PRDM1: variants seen among roughly 807,000 people sequenced by gnomAD.
PRDM1 encodes PR domain zinc finger protein 1.
A neutral mutation model predicts 62.8 loss-of-function variants in PRDM1; 13 were observed. The observed-to-expected ratio is 0.21, with a 90% confidence interval of 0.13 to 0.33. The LOEUF is 0.33. PRDM1 is among the 10% of genes least tolerant of loss of function. The pLI is 1.00. For missense variants in PRDM1, 895 were observed against 1,058.8 expected (o/e 0.85, Z 2.15); for synonymous variants, 396 against 417.6 (o/e 0.95, Z 0.63).
intron 1 of PRDM1, among the ~76,000 whole-genome samples, chr6:106,023,036 C>T (rs2114560721): frequency 6.6e-6 from 1 of 152,302 alleles, no homozygotes; most frequent in East Asian, 1.9e-4. Flanking sequence ...TACTTACAGA[C>T]TGTCAGCTTC....
chr6:106,063,736 A>G (rs1773383971), intron 1 of PRDM1, among the ~76,000 whole-genome samples: 1 of 152,202 alleles, frequency 6.6e-6, no homozygotes, highest in South Asian at 2.1e-4. Flanking sequence ...AGAACAGCTG[A>G]CATGGAGGGT....
At chr6:106,101,496 T>C (rs1239905853) in intron 4 of PRDM1, among the ~76,000 whole-genome samples, 1 of 152,226 alleles carries the variant, frequency 6.6e-6, no homozygotes, top group African/African-American at 2.4e-5. Flanking sequence ...ATGTCCCCTT[T>C]TATTTTGGCA....
At chr6:106,048,359 C>T (rs1442515388), upstream of PRDM1, among the ~76,000 whole-genome samples, 1 of 151,990 alleles carries the variant, frequency 6.6e-6, no homozygotes, top group Non-Finnish European at 1.5e-5. Context: ...TGCACTCCAG[C>T]CTGGGCAACA....
upstream of PRDM1, among the ~76,000 whole-genome samples, chr6:106,048,178 A>G (rs1773109614): frequency 3.3e-5 from 5 of 151,020 alleles, no homozygotes; most frequent in South Asian, 1.1e-3. Context: ...TAGGAGCTCA[A>G]GACTAGCCCG....
chr6:106,038,802 A>G (rs192374196), intron 1 of PRDM1, among the ~76,000 whole-genome samples: 3 of 152,180 alleles, frequency 2.0e-5, no homozygotes, highest in Non-Finnish European at 4.4e-5. Flanking sequence ...AAATTGACCA[A>G]AATTAACCAT....
At chr6:106,098,412 T>C in intron 3 of PRDM1, 5 of 985,362 alleles carry the variant, frequency 5.1e-6, no homozygotes, top group Non-Finnish European at 6.0e-6. Context: ...CCAGAAGTAG[T>C]ATTACTCTAG....
intron 1 of PRDM1, among the ~76,000 whole-genome samples, chr6:106,014,579 CTAAATT>C (rs1181084369): frequency 6.6e-6 from 1 of 151,124 alleles, no homozygotes; most frequent in Non-Finnish European, 1.5e-5. Context: ...TAATGTAAGT[CTAAATT>C]TAATCTGTAA....
chr6:106,107,425 A>C lies in PRDM1; in HGVS notation c.2417A>C (p.Asn806Thr), dbSNP rs751160979. The C allele has an allele frequency of 1.5e-5, 25 of 1,614,046 alleles. No individual in the cohort carries two copies. The highest frequency in any genetic ancestry group is 1.9e-5 in the Non-Finnish European group (22 of 1,179,996). Reference protein sequence around the residue: ...DLPLMKLPPSNPLPLVPVKVK... With the variant: ...DLPLMKLPPSTPLPLVPVKVK... ...CCCCTCATGAAGTTGCCTCCCAGCAACCCACTACCTCTGGTACCTGTAAAG... is the reference window on the plus strand; with the variant it reads ...CCCCTCATGAAGTTGCCTCCCAGCACCCCACTACCTCTGGTACCTGTAAAG... Residue 806 changes from asparagine (N) to threonine (T), a missense_variant, in exon 7 of 7, where the codon AAC becomes ACC. Transcript: ENST00000369096.
chr6:106,080,832 C>T (rs1473971276), intron 1 of PRDM1, among the ~76,000 whole-genome samples: 1 of 152,152 alleles, frequency 6.6e-6, no homozygotes, highest in Non-Finnish European at 1.5e-5. Context: ...TGTTTGGTCC[C>T]ATTCTAGGGT....
chr6:106,044,969 G>T (rs1773050879), upstream of PRDM1, among the ~76,000 whole-genome samples: 1 of 152,212 alleles, frequency 6.6e-6, no homozygotes, highest in South Asian at 2.1e-4. Flanking sequence ...AAGATAAGAT[G>T]ACTGCCACTT....
At chr6:106,084,050 G>A (rs1002789684), upstream of PRDM1, among the ~76,000 whole-genome samples, 1 of 152,136 alleles carries the variant, frequency 6.6e-6, no homozygotes, top group Non-Finnish European at 1.5e-5. Flanking sequence ...TATGGAGCAA[G>A]CTTCCTTTCT....
At chr6:106,013,960 T>C (rs4275097) in intron 1 of PRDM1, among the ~76,000 whole-genome samples, 45,838 of 152,114 alleles carry the variant, frequency 0.3, 7,769 homozygotes, top group Non-Finnish European at 0.39. Context: ...CTTTATTTTA[T>C]TCCTCCATAG....
At chr6:106,050,442 T>C (rs1773154806) in intron 1 of PRDM1, among the ~76,000 whole-genome samples, 2 of 152,224 alleles carry the variant, frequency 1.3e-5, no homozygotes, top group African/African-American at 4.8e-5. Flanking sequence ...TTATTACACT[T>C]AGGAATTGTT....
chr6:106,036,035 T>C (rs1772921611), intron 1 of PRDM1, among the ~76,000 whole-genome samples: 1 of 152,200 alleles, frequency 6.6e-6, no homozygotes, highest in South Asian at 2.1e-4. Context: ...CCCAAAGTGC[T>C]GTGATTACAG....
upstream of PRDM1, among the ~76,000 whole-genome samples, chr6:106,047,679 A>G (rs1245591780): frequency 6.6e-6 from 1 of 152,226 alleles, no homozygotes; most frequent in East Asian, 1.9e-4. Flanking sequence ...AGGAATAAGA[A>G]TTACAAGGGC....
chr6:106,059,798 A>G (rs964996689), intron 1 of PRDM1, among the ~76,000 whole-genome samples: 1 of 152,216 alleles, frequency 6.6e-6, no homozygotes, highest in Non-Finnish European at 1.5e-5. Context: ...TATTTGGAAG[A>G]TAAAGCAAGT....
chr6:106,101,315 C>T (rs929973627), intron 4 of PRDM1, among the ~76,000 whole-genome samples: 3 of 152,022 alleles, frequency 2.0e-5, no homozygotes, highest in African/African-American at 4.8e-5. Context: ...GCATGCTTCC[C>T]GCACCCTGTG....
chr6:106,084,499 C>T (rs1773752845), upstream of PRDM1, among the ~76,000 whole-genome samples: 1 of 152,164 alleles, frequency 6.6e-6, no homozygotes, highest in South Asian at 2.1e-4. Context: ...TTTGCCTATT[C>T]CCTTACTCTA....
At chr6:106,103,873 A>T (rs1030106354) in intron 4 of PRDM1, among the ~76,000 whole-genome samples, 5 of 151,952 alleles carry the variant, frequency 3.3e-5, no homozygotes, top group Non-Finnish European at 7.4e-5. Flanking sequence ...ACGCCTTGTG[A>T]CTCCAGGGGC....
Sources: allele counts gnomAD v4.1 joint callset (sites outside exome capture counted in the v4.1 genomes callset), GRCh38; gene constraint gnomAD v4.1.1; transcripts MANE v1.5; gene names NCBI Gene and HGNC (gene_info 2026-07-23, HGNC 2026-07-21).